TRPC3: variants seen among roughly 807,000 people sequenced by gnomAD.
TRPC3 encodes the protein short transient receptor potential channel 3.
Under a neutral mutation model 90.9 loss-of-function variants are expected in TRPC3, and 54 were observed. The ratio of observed to expected loss-of-function variants is 0.59; its 90% CI spans 0.48 to 0.75. The LOEUF (loss-of-function observed/expected upper bound fraction) is 0.75, where lower values mean the gene tolerates loss of function less well. Among genes scored for constraint, TRPC3 ranks in the 30% least tolerant of loss-of-function variants. The probability of loss-of-function intolerance (pLI) is 0.00; values close to 1 mark genes in which losing one functional copy is unlikely to be tolerated. For synonymous variants in TRPC3, 424 were observed against 450.9 expected (o/e 0.94, Z 0.75); for missense variants, 918 against 1,194.5 (o/e 0.77, Z 3.41).
At chr4:121,927,083 C>T (rs1729745760) in intron 2 of TRPC3, among the ~76,000 whole-genome samples, 1 of 152,100 alleles carries the variant, frequency 6.6e-6, no homozygotes, top group African/African-American at 2.4e-5. Context: ...CTGTGCCCTG[C>T]AGAACTAGAA....
intron 8 of TRPC3, among the ~76,000 whole-genome samples, chr4:121,903,402 G>A (rs1728769598): frequency 6.6e-6 from 1 of 152,140 alleles, no homozygotes; most frequent in Non-Finnish European, 1.5e-5. Flanking sequence ...AATTCTGCAT[G>A]TTTGACAATA....
chr4:121,911,998 G>C lies in TRPC3; in HGVS notation c.1437C>G (p.Asp479Glu). 6.2e-7 allele frequency: 1 copy of C among 1,613,856 alleles called. No individual in the cohort carries two copies. The highest frequency in any genetic ancestry group is 8.5e-7 in the Non-Finnish European group (1 of 1,179,858). ...FLGLLVFNAS[D>E]RFEGITTLPN... Reference sequence around the variant, plus strand: ...GCAGCGTGGTGATGCCTTCGAACCTGTCTGAGGCATTGAACACAAGCAGAC... The same window carrying C: ...GCAGCGTGGTGATGCCTTCGAACCTCTCTGAGGCATTGAACACAAGCAGAC... Residue 479 changes from aspartate to glutamate, a missense_variant, in exon 5 of 12, where the codon GAC (aspartate) becomes GAG (glutamate). This residue lies in a region of TRPC3 where 609 missense variants were observed against 725.9 expected (regional missense o/e 0.84). Transcript: ENST00000379645.
intron 10 of TRPC3, among the ~76,000 whole-genome samples, chr4:121,892,458 T>C (rs756123003): frequency 6.6e-6 from 1 of 152,200 alleles, no homozygotes; most frequent in Non-Finnish European, 1.5e-5. Context: ...CTCCAGGAGC[T>C]TTCTTGGAAC....
In TRPC3 at chr4:121,878,463, T is replaced by C. The variant is rs1727833525; in HGVS notation, c.*1273A>G. On this transcript the variant is annotated 3_prime_UTR_variant, in exon 12 of 12. Coordinates refer to ENST00000379645, the MANE Select transcript of TRPC3 (RefSeq NM_001130698.2). ...ACAGCAACTGACTGCAGACTCAGGA[T>C]GTTAAACATAACTCTATGAGAGATT... 1.3e-5 allele frequency among the ~76,000 whole-genome samples: 2 copies of C among 152,104 alleles called. No individual in the cohort carries two copies. Among genetic ancestry groups the C allele is most frequent in the East Asian group, 1.9e-4 (1 of 5,192 alleles).
chr4:121,917,944 G>A lies in TRPC3; in HGVS notation c.1177-3000C>T, dbSNP rs187242178. Reference sequence around the variant, plus strand: ...AGACAGGTGGGCATGTGTCTATATGGAATTGATGGACAAATTTCCCTTTTG... The same window carrying A: ...AGACAGGTGGGCATGTGTCTATATGAAATTGATGGACAAATTTCCCTTTTG... On this transcript the variant is annotated intron_variant, in intron 3 of 11. Transcript: ENST00000379645. Among the ~76,000 whole-genome samples the A allele has an allele frequency of 1.2e-3, 182 of 152,264 alleles. No homozygotes were observed. In the Middle Eastern group the frequency reaches 0.014, roughly 11 times the overall value.
chr4:121,933,135 A>G, intron 1 of TRPC3, 93 bp from the exon 2 acceptor site: 2 of 1,443,134 alleles, frequency 1.4e-6, no homozygotes, highest in South Asian at 3.2e-5. Flanking sequence ...CACACTACCC[A>G]CTGCAAACCT....
At chr4:121,936,413 C>T (rs6841843) in intron 1 of TRPC3, among the ~76,000 whole-genome samples, 110,364 of 152,066 alleles carry the variant, frequency 0.73, 40,111 homozygotes, top group East Asian at 0.85. Flanking sequence ...CATTCAACAC[C>T]GCGAGAGTGC....
chr4:121,907,291 T>C lies in TRPC3; in HGVS notation c.2057+12A>G, dbSNP rs374475823. The C allele has an allele frequency of 1.2e-5, 19 of 1,597,606 alleles. No homozygotes were observed. The African/African-American group carries it at 2.3e-4, about 19-fold the overall frequency. ...TCTTTATCATACCTGTATAATAAGA[T>C]ATTTTACTTACGTGGTAAAAGCAGC... On this transcript the variant is annotated intron_variant, in intron 7 of 11. Coordinates refer to ENST00000379645, the MANE Select transcript of TRPC3 (RefSeq NM_001130698.2).
chr4:121,900,931 C>T (rs1042662374), intron 9 of TRPC3, among the ~76,000 whole-genome samples: 4 of 152,130 alleles, frequency 2.6e-5, no homozygotes, highest in African/African-American at 7.2e-5. Flanking sequence ...GTCAATGGTA[C>T]GATACAGGCA....
intron 3 of TRPC3, among the ~76,000 whole-genome samples, chr4:121,920,666 G>A (rs1247833400): frequency 6.6e-6 from 1 of 152,150 alleles, no homozygotes; most frequent in East Asian, 1.9e-4. Context: ...TTAAGAGAAG[G>A]AAAATGGTAT....
At position 121,877,391 on chromosome 4, in the gene TRPC3, C is replaced by T. The variant is rs768290907; in HGVS notation, c.*2345G>A. On this transcript the variant is annotated 3_prime_UTR_variant, in exon 12 of 12. Transcript: ENST00000379645. ...TTCAGGAGCTCTGGAGCATGAACTG[C>T]ACTGAATAGTTGGCCCCATCTTGAG... Among the ~76,000 whole-genome samples, 1 of 152,208 alleles carries T rather than the reference C, an allele frequency of 6.6e-6. No homozygotes were observed. Among genetic ancestry groups the T allele is most frequent in the Non-Finnish European group, 1.5e-5 (1 of 68,034 alleles).
At chr4:121,921,400 T>C (rs1174260788) in intron 3 of TRPC3, among the ~76,000 whole-genome samples, 1 of 149,900 alleles carries the variant, frequency 6.7e-6, no homozygotes, top group Non-Finnish European at 1.5e-5. Flanking sequence ...CGGGCGCCTG[T>C]AGTCCCAGCT....
At chr4:121,886,982 T>C (rs961694805) in intron 10 of TRPC3, among the ~76,000 whole-genome samples, 11 of 152,204 alleles carry the variant, frequency 7.2e-5, no homozygotes, top group South Asian at 2.1e-4. Flanking sequence ...AGGACTTACA[T>C]TGAAATAACA....
intron 11 of TRPC3, among the ~76,000 whole-genome samples, chr4:121,880,320 C>G (rs1727896748): frequency 6.6e-6 from 1 of 152,106 alleles, no homozygotes; most frequent in African/African-American, 2.4e-5. Context: ...ATCAATCTAT[C>G]TGACAGGCAA....
chr4:121,912,175 AT>A, intron 4 of TRPC3, 82 bp from the exon 5 acceptor site: 1 of 1,185,182 alleles, frequency 8.4e-7, no homozygotes, highest in Admixed American at 2.5e-5. Flanking sequence ...ATTAAAAAAA[AT>A]AGATGAAAGG....
chr4:121,911,572 A>G (rs1729093044), intron 5 of TRPC3, among the ~76,000 whole-genome samples: 1 of 152,234 alleles, frequency 6.6e-6, no homozygotes, highest in Non-Finnish European at 1.5e-5. Context: ...TTTCAATTAA[A>G]TAATCACAGT....
chr4:121,905,289 G>C (rs1330396816), intron 7 of TRPC3, among the ~76,000 whole-genome samples: 4 of 152,076 alleles, frequency 2.6e-5, no homozygotes, highest in Non-Finnish European at 5.9e-5. Context: ...CAAGGGTAGG[G>C]AGAAGGACAG....
Position 121,932,774 on chromosome 4 carries a change from C to A in TRPC3, c.484G>T (p.Val162Leu). 1 of 1,612,734 alleles carries A rather than the reference C, an allele frequency of 6.2e-7. No individual in the cohort carries two copies. Reference protein sequence around the residue: ...QLAVGNEHLEVTELLLKKENL... With the variant: ...QLAVGNEHLELTELLLKKENL... ...TCCTTCTTGAGCAGCAGCTCGGTCACCTCCAGGTGCTCGTTGCCCACAGCC... is the reference window on the plus strand; with the variant it reads ...TCCTTCTTGAGCAGCAGCTCGGTCAACTCCAGGTGCTCGTTGCCCACAGCC... The change falls in exon 2 of 12, where the codon GTG becomes TTG. Residue 162 changes from valine to leucine, a missense_variant. Physicochemically the swap from Val to Leu is conservative, Grantham distance 32. This residue lies in a region of TRPC3 where 609 missense variants were observed against 725.9 expected (regional missense o/e 0.84). Coordinates refer to ENST00000379645, the MANE Select transcript of TRPC3 (RefSeq NM_001130698.2). This position sits in a 1 kb window ranked among gnomAD's most constrained non-coding sequence, Gnocchi z 7.7.
At position 121,932,534 on chromosome 4, in the gene TRPC3, G is replaced by T; in HGVS notation, c.724C>A (p.His242Asn). ...TGCACCACTTCGTATTTCTGGCAGTGCGCCGCCAGGATGATGGGGGTGATG... is the reference window on the plus strand; with the variant it reads ...TGCACCACTTCGTATTTCTGGCAGTTCGCCGCCAGGATGATGGGGGTGATG... Reference protein sequence around the residue: ...PDITPIILAAHCQKYEVVHML... With the variant: ...PDITPIILAANCQKYEVVHML... The change falls in exon 2 of 12, where the codon CAC (histidine) becomes AAC (asparagine). Residue 242 changes from histidine to asparagine, a missense_variant. Around this residue, in one of 4 missense-constraint regions of TRPC3, gnomAD observed 609 missense variants for 725.9 expected, o/e 0.84. Transcript: ENST00000379645. The surrounding 1 kb of genome is among the most constrained non-coding windows in gnomAD (Gnocchi z 7.7). The T allele has an allele frequency of 6.2e-7, 1 of 1,614,216 alleles. No homozygotes were observed. Among genetic ancestry groups the T allele is most frequent in the Non-Finnish European group, 8.5e-7 (1 of 1,180,036 alleles).
Sources: allele counts gnomAD v4.1 joint callset (sites outside exome capture counted in the v4.1 genomes callset), GRCh38; gene constraint gnomAD v4.1.1; regional missense constraint gnomAD v4.1.1; non-coding constraint Gnocchi (gnomAD v3.1); transcripts MANE v1.5; gene names NCBI Gene and HGNC (gene_info 2026-07-23, HGNC 2026-07-21).